Variants in CDK5RAP2 observed in about 807,000 individuals in gnomAD.
CDK5RAP2 encodes CDK5 regulatory subunit associated protein 2.
CDK5RAP2 carries 147 observed loss-of-function variants against 232.9 expected under a neutral mutation model. The ratio of observed to expected loss-of-function variants is 0.63; its 90% CI spans 0.55 to 0.72. The LOEUF (loss-of-function observed/expected upper bound fraction) is 0.72. Ranked by LOEUF, CDK5RAP2 falls within the 30% of genes least tolerant of loss-of-function variation. CDK5RAP2 has a pLI of 0.00. For synonymous variants in CDK5RAP2, 833 were observed against 833.7 expected (o/e 1.00, Z 0.01); for missense variants, 2,195 against 2,231.5 (o/e 0.98, Z 0.33).
intron 12 of CDK5RAP2, among the ~76,000 whole-genome samples, chr9:120,516,354 C>T (rs1380332389): frequency 3.4e-4 from 36 of 105,372 alleles, no homozygotes; most frequent in African/African-American, 9.1e-4. Context: ...CATCACACTC[C>T]GGGGACTGTT....
chr9:120,465,706 GAA>G (rs542352147), intron 18 of CDK5RAP2, among the ~76,000 whole-genome samples: 1 of 134,628 alleles, frequency 7.4e-6, no homozygotes, highest in African/African-American at 2.7e-5. Context: ...CAACTCTAAG[GAA>G]AAAAAAAAAA....
At position 120,471,852 on chromosome 9, in the gene CDK5RAP2, T is replaced by C. The variant is rs1011281798; in HGVS notation, c.1754A>G (p.Asn585Ser). 1 of 1,614,020 alleles carries C rather than the reference T, an allele frequency of 6.2e-7. No homozygotes were observed. The highest frequency in any genetic ancestry group is 8.5e-7 in the Non-Finnish European group (1 of 1,179,972). Residue 585 changes from asparagine to serine, a missense_variant, in exon 16 of 38, where the codon AAC (asparagine) becomes AGC (serine). Asn to Ser is a conservative substitution (Grantham distance 46). Transcript: ENST00000349780. The stretch of plus-strand genomic sequence containing the variant: ...TTGCTTCCGCAGGGCAAAAATCTTG[T>C]TTAACTCAGCCTGCAGGTTGTTGAT... The part of the protein sequence containing the change: ...DSINNLQAEL[N>S]KIFALRKQLE...
Position 120,453,620 on chromosome 9 carries a change from CCA to C in CDK5RAP2, c.2627_2628del (p.Val876GlyfsTer12). 6.2e-7 allele frequency: 1 copy of C among 1,614,196 alleles called. No homozygotes were observed. The highest frequency in any genetic ancestry group is 8.5e-7 in the Non-Finnish European group (1 of 1,180,042). On this transcript the variant is annotated frameshift_variant, in exon 21 of 38. Coordinates refer to ENST00000349780, the MANE Select transcript of CDK5RAP2 (RefSeq NM_018249.6). LOFTEE classifies it high-confidence loss of function. ...AATCTCAGCAGGTCGCCCTCCGTGG[CCA>C]CAGTCTGCACTGAGGCATCTTTCAG... ...VGLKDASVQT[V>X]ATEGDLLRFK...
At chr9:120,509,395 C>T (rs80176885) in intron 12 of CDK5RAP2, among the ~76,000 whole-genome samples, 90 of 152,332 alleles carry the variant, frequency 5.9e-4, no homozygotes, top group African/African-American at 1.5e-3. Flanking sequence ...TGAGCATCAA[C>T]TTCTCTGTGC....
chr9:120,501,113 C>T (rs182924461), intron 12 of CDK5RAP2, among the ~76,000 whole-genome samples: 11 of 152,324 alleles, frequency 7.2e-5, no homozygotes, highest in Admixed American at 5.9e-4. Flanking sequence ...ACAAGGCCCC[C>T]ATCAGCTAGA....
Position 120,403,178 on chromosome 9 carries a change from C to T in CDK5RAP2, c.5042-107G>A. The T allele has an allele frequency of 9.0e-7, 1 of 1,113,664 alleles. No homozygotes were observed. The highest frequency in any genetic ancestry group is 2.4e-5 in the East Asian group (1 of 41,224). 69.0% of individuals were successfully genotyped at this position (1,113,664 alleles called of 1,614,324 possible). On this transcript the variant is annotated intron_variant, in intron 33 of 37. Transcript: ENST00000349780. This position sits in a 1 kb window ranked among gnomAD's most constrained non-coding sequence, Gnocchi z 4.2. ...GGAGGGCTAGAAGAGGCCCTCGTGC[C>T]CAAATGCCACCCAACACAAGCCCAG... is the stretch of plus-strand genomic sequence containing the variant.
chr9:120,487,230 A>T (rs1346970567), intron 14 of CDK5RAP2, 64 bp downstream of exon 14: 1 of 1,560,342 alleles, frequency 6.4e-7, no homozygotes, highest in African/African-American at 1.4e-5. Context: ...GGAGTTATCA[A>T]ATATGTTTCA....
intron 12 of CDK5RAP2, among the ~76,000 whole-genome samples, chr9:120,515,478 G>A (rs989565219): frequency 7.2e-5 from 11 of 152,142 alleles, no homozygotes; most frequent in Non-Finnish European, 1.6e-4. Context: ...AAAACTTTCA[G>A]GAGTTACGTA....
intron 2 of CDK5RAP2, among the ~76,000 whole-genome samples, chr9:120,569,359 T>C (rs1169343585): frequency 3.3e-5 from 5 of 152,084 alleles, no homozygotes; most frequent in Non-Finnish European, 5.9e-5. Flanking sequence ...CTGCATAATA[T>C]GTTAAAAGGT....
chr9:120,538,613 C>A (rs2041495711), intron 6 of CDK5RAP2, among the ~76,000 whole-genome samples: 1 of 152,162 alleles, frequency 6.6e-6, no homozygotes, highest in Admixed American at 6.6e-5. Context: ...TGGTTCCAGG[C>A]TTGACTAATG....
chr9:120,578,833 C>T (rs1564399196), intron 1 of CDK5RAP2, among the ~76,000 whole-genome samples: 1 of 152,162 alleles, frequency 6.6e-6, no homozygotes, highest in Non-Finnish European at 1.5e-5. Flanking sequence ...TCCCCAAGGG[C>T]TAGGATTACA....
Position 120,579,954 on chromosome 9 carries a change from C to A in CDK5RAP2, c.25G>T (p.Asp9Tyr), listed in dbSNP as rs769183637. 4 of 1,613,168 alleles carry A rather than the reference C, an allele frequency of 2.5e-6. No homozygotes were observed. The highest frequency in any genetic ancestry group is 3.4e-6 in the Non-Finnish European group (4 of 1,179,106). ...CTGAGCGTCCCAGGGACGGTGACGT[C>A]CTCTTCCAACACCAAGTCCATCATG... MMDLVLEE[D>Y]VTVPGTLSGC... The change falls in exon 1 of 38, where the codon GAC (aspartate) becomes TAC (tyrosine). Residue 9 changes from aspartate to tyrosine, a missense_variant. Physicochemically the swap from Asp to Tyr is radical, Grantham distance 160. Coordinates refer to ENST00000349780, the MANE Select transcript of CDK5RAP2 (RefSeq NM_018249.6).
At chr9:120,505,344 G>A (rs1269300324) in intron 12 of CDK5RAP2, among the ~76,000 whole-genome samples, 2 of 152,036 alleles carry the variant, frequency 1.3e-5, no homozygotes, top group South Asian at 2.1e-4. Flanking sequence ...CAAACTTAAC[G>A]GATAAAAGTG....
At chr9:120,535,591 T>C (rs181599961) in intron 7 of CDK5RAP2, among the ~76,000 whole-genome samples, 54 of 152,378 alleles carry the variant, frequency 3.5e-4, no homozygotes, top group Admixed American at 1.7e-3. Context: ...GTTGGACTTA[T>C]ATTTAGTTAA....
chr9:120,452,388 A>C (rs898236422), intron 21 of CDK5RAP2, among the ~76,000 whole-genome samples: 6 of 152,170 alleles, frequency 3.9e-5, no homozygotes, highest in Non-Finnish European at 7.3e-5. Context: ...TTGTATGCGC[A>C]AAAGCAGTAA....
chr9:120,568,983 C>A (rs369369444), intron 2 of CDK5RAP2, among the ~76,000 whole-genome samples: 1 of 152,282 alleles, frequency 6.6e-6, no homozygotes, highest in African/African-American at 2.4e-5. Flanking sequence ...TATGGCAATA[C>A]CCAAATCTCT....
At chr9:120,518,211 G>GTGTGTGTGTGAC (rs1554770754) in intron 12 of CDK5RAP2, among the ~76,000 whole-genome samples, 29 of 31,670 alleles carry the variant, frequency 9.2e-4, no homozygotes, top group African/African-American at 2.6e-3. Context: ...GTGTGTGTGT[G>GTGTGTGTGTGAC]AGAGAGAGAG....
intron 2 of CDK5RAP2, 171 bp downstream of exon 2, chr9:120,571,803 T>C (rs1289333249): frequency 1.5e-6 from 1 of 668,390 alleles, no homozygotes; most frequent in Non-Finnish European, 2.8e-6. Flanking sequence ...CCAGTGTTTA[T>C]GAAAGGAGGT....
intron 31 of CDK5RAP2, chr9:120,408,125 C>T (rs182513955): frequency 4.0e-5 from 23 of 578,892 alleles, no homozygotes; most frequent in East Asian, 2.6e-4. Flanking sequence ...AGTGGGAACC[C>T]GGACCTCGGC....
Sources: gnomAD v4.1 joint callset for allele counts (sites outside exome capture counted in the v4.1 genomes callset) on GRCh38, gnomAD v4.1.1 for gene constraint, Gnocchi (gnomAD v3.1) non-coding constraint, MANE v1.5 for transcripts, NCBI Gene and HGNC (gene_info 2026-07-23, HGNC 2026-07-21) for gene names.